ZNF804B: variants seen among roughly 807,000 people sequenced by gnomAD.
ZNF804B encodes zinc finger protein 804B.
ZNF804B carries 80 observed loss-of-function variants against 101.4 expected under a neutral mutation model. The ratio of observed to expected loss-of-function variants is 0.79; its 90% CI spans 0.66 to 0.95. The LOEUF (loss-of-function observed/expected upper bound fraction) is 0.95. ZNF804B is among the 40% of genes least tolerant of loss of function. ZNF804B has a pLI of 0.00. For missense variants in ZNF804B, 1,673 were observed against 1,561.9 expected (o/e 1.07, Z -1.20); for synonymous variants, 622 against 558.8 (o/e 1.11, Z -1.59).
chr7:89,014,829 CT>C (rs139699120), intron 1 of ZNF804B, among the ~76,000 whole-genome samples: 3,426 of 152,204 alleles, frequency 0.023, 135 homozygotes, highest in African/African-American at 0.078. Context: ...TAATTGTTTG[CT>C]TTGTTGTGCA....
chr7:88,785,868 C>A (rs1790294304), intron 1 of ZNF804B, among the ~76,000 whole-genome samples: 2 of 152,130 alleles, frequency 1.3e-5, no homozygotes, highest in Non-Finnish European at 2.9e-5. Context: ...TCAGAAATCC[C>A]TGTGTCTTTG....
At chr7:89,073,246 G>C (rs183305789) in intron 1 of ZNF804B, among the ~76,000 whole-genome samples, 1 of 152,026 alleles carries the variant, frequency 6.6e-6, no homozygotes, top group Non-Finnish European at 1.5e-5. Flanking sequence ...CTCCACAATA[G>C]CCTTTTATTA....
chr7:88,873,400 G>T (rs1202166800), intron 1 of ZNF804B, among the ~76,000 whole-genome samples: 1 of 152,026 alleles, frequency 6.6e-6, no homozygotes, highest in East Asian at 1.9e-4. Context: ...TTGTGAAAAT[G>T]TTCTCCCATT....
intron 2 of ZNF804B, among the ~76,000 whole-genome samples, chr7:89,276,504 A>T (rs1267078646): frequency 6.6e-6 from 1 of 151,870 alleles, no homozygotes; most frequent in East Asian, 1.9e-4. Flanking sequence ...ACAATATAAT[A>T]TGTGTTTATT....
intron 1 of ZNF804B, among the ~76,000 whole-genome samples, chr7:89,122,438 G>T (rs1790420950): frequency 6.6e-6 from 1 of 152,132 alleles, no homozygotes; most frequent in Admixed American, 6.5e-5. Flanking sequence ...TACTAACGTT[G>T]TTTAGAATTA....
intron 1 of ZNF804B, among the ~76,000 whole-genome samples, chr7:89,061,943 C>T (rs1283708838): frequency 6.6e-6 from 1 of 152,034 alleles, no homozygotes; most frequent in Non-Finnish European, 1.5e-5. Flanking sequence ...AGTCAGTTAT[C>T]TTGGTTTCCT....
intron 2 of ZNF804B, among the ~76,000 whole-genome samples, chr7:89,311,358 TA>T (rs1790648527): frequency 1.3e-5 from 2 of 152,214 alleles, no homozygotes; most frequent in Admixed American, 6.6e-5. Flanking sequence ...GAAATGGTGA[TA>T]ATTTTGAAAT....
At chr7:89,106,525 GATCCATATTGATCT>G (rs1193949114) in intron 1 of ZNF804B, among the ~76,000 whole-genome samples, 1 of 152,028 alleles carries the variant, frequency 6.6e-6, no homozygotes, top group Non-Finnish European at 1.5e-5. Flanking sequence ...GAGAAAAATG[GATCCATATTGATCT>G]ATTACACTTC....
chr7:88,968,292 G>A (rs569991821), intron 1 of ZNF804B, among the ~76,000 whole-genome samples: 7 of 151,578 alleles, frequency 4.6e-5, no homozygotes, highest in East Asian at 2.0e-4. Context: ...AGGAGGTTTC[G>A]GATGGGCAGA....
Position 89,335,361 on chromosome 7 carries a change from T to C in ZNF804B, c.2379T>C (p.Asn793=), listed in dbSNP as rs1445890128. The C allele has an allele frequency of 3.1e-6, 5 of 1,613,400 alleles. No individual in the cohort carries two copies. The East Asian group carries it at 8.9e-5, about 29-fold the overall frequency. ...GCAAATTGTGGGAATCATTTAAAAA[T>C]GAAAAATACTCAAAACGTAGATATT... ...RNCKLWESFK[N]EKYSKRRYCH... is the part of the protein sequence containing the mutation. Residue 793 remains asparagine (N), a synonymous_variant, in exon 4 of 4, where the codon AAT becomes AAC. Coordinates refer to ENST00000333190, the MANE Select transcript of ZNF804B (RefSeq NM_181646.5).
intron 1 of ZNF804B, among the ~76,000 whole-genome samples, chr7:89,043,502 A>G (rs1789050749): frequency 6.6e-6 from 1 of 152,178 alleles, no homozygotes; most frequent in Non-Finnish European, 1.5e-5. Flanking sequence ...TATAGAGTAA[A>G]TTTAGTTCTG....
chr7:89,277,308 G>T (rs891287548), intron 2 of ZNF804B, among the ~76,000 whole-genome samples: 4 of 149,562 alleles, frequency 2.7e-5, no homozygotes, highest in South Asian at 4.2e-4. Context: ...ACATCTAAAG[G>T]AGTTTTTTTC....
intron 1 of ZNF804B, among the ~76,000 whole-genome samples, chr7:88,925,929 C>T (rs912186946): frequency 1.3e-5 from 2 of 152,054 alleles, no homozygotes; most frequent in Admixed American, 1.3e-4. Flanking sequence ...GACATGCTTC[C>T]TATGCAGGAG....
rs76753533 is a variant in ZNF804B, at chr7:88,809,779, T to C, written c.108+49695T>C. 4.7e-3 allele frequency among the ~76,000 whole-genome samples: 715 copies of C among 152,268 alleles called. 9 individuals are homozygous for C. The highest frequency in any genetic ancestry group is 0.029 in the East Asian group (152 of 5,184). On this transcript the variant is annotated intron_variant, in intron 1 of 3. Coordinates refer to ENST00000333190, the MANE Select transcript of ZNF804B (RefSeq NM_181646.5). ...GGAGATAGAAGTCAACACACATAGTTAGTTAAGAGTGAGTGCTTCCTGCCC... is the reference window on the plus strand; with the variant it reads ...GGAGATAGAAGTCAACACACATAGTCAGTTAAGAGTGAGTGCTTCCTGCCC...
chr7:89,292,508 C>T (rs1015392134), intron 2 of ZNF804B, among the ~76,000 whole-genome samples: 1 of 151,910 alleles, frequency 6.6e-6, no homozygotes, highest in African/African-American at 2.4e-5. Context: ...TTTTATAATA[C>T]AGTATTTGCA....
At chr7:88,861,453 C>A (rs1233441606) in intron 1 of ZNF804B, among the ~76,000 whole-genome samples, 1 of 152,142 alleles carries the variant, frequency 6.6e-6, no homozygotes, top group Non-Finnish European at 1.5e-5. Context: ...TGGAATAGTA[C>A]AAATACCAGT....
intron 1 of ZNF804B, among the ~76,000 whole-genome samples, chr7:88,967,230 G>C (rs1195329876): frequency 4.6e-5 from 1 of 21,920 alleles, no homozygotes; most frequent in African/African-American, 1.9e-4. Context: ...CTGTACAGCT[G>C]TCATGGCTGG....
At chr7:88,936,954 A>G (rs1371296339) in intron 1 of ZNF804B, among the ~76,000 whole-genome samples, 2 of 152,060 alleles carry the variant, frequency 1.3e-5, no homozygotes, top group South Asian at 4.1e-4. Flanking sequence ...ATAGCCACAA[A>G]GTATTAATAA....
chr7:88,964,332 T>C (rs2116096842), intron 1 of ZNF804B, among the ~76,000 whole-genome samples: 1 of 151,624 alleles, frequency 6.6e-6, no homozygotes, highest in South Asian at 2.1e-4. Flanking sequence ...ATACATACAA[T>C]GAAATATTTT....
Sources: allele counts gnomAD v4.1 joint callset (sites outside exome capture counted in the v4.1 genomes callset), GRCh38; gene constraint gnomAD v4.1.1; transcripts MANE v1.5; gene names NCBI Gene and HGNC (gene_info 2026-07-23, HGNC 2026-07-21).